The following LRCH1 variants were observed in gnomAD, a reference collection of about 807,000 sequenced individuals.
LRCH1 encodes the protein leucine-rich repeat and calponin homology domain-containing protein 1.
Under a neutral mutation model 94.9 loss-of-function variants are expected in LRCH1, and 23 were observed. That is an observed-to-expected ratio of 0.24 (90% CI 0.17 to 0.34). The LOEUF (loss-of-function observed/expected upper bound fraction) is 0.34, where lower values mean the gene tolerates loss of function less well. Ranked by LOEUF, LRCH1 falls within the 10% of genes least tolerant of loss-of-function variation. The pLI is 1.00. For missense variants in LRCH1, 790 were observed against 945.9 expected (o/e 0.84, Z 2.16); for synonymous variants, 364 against 354.9 (o/e 1.03, Z -0.29).
rs114429460 is a variant in LRCH1 at position 46,569,458 on chromosome 13, G to A, written c.307+15755G>A. Among the ~76,000 whole-genome samples the A allele has an allele frequency of 4.0e-3, 603 of 152,316 alleles. 3 individuals are homozygous for A. The highest frequency in any genetic ancestry group is 0.014 in the African/African-American group (577 of 41,570). On this transcript the variant is annotated intron_variant, in intron 1 of 19. Transcript: ENST00000389797. ...CCAGGGATCTAAGTACATTGTTAAT[G>A]TAGAGAACTGCCCTTTGCTGGGAGA...
chr13:46,733,111 C>T (rs1593383849), intron 18 of LRCH1, among the ~76,000 whole-genome samples: 1 of 152,174 alleles, frequency 6.6e-6, no homozygotes, highest in East Asian at 1.9e-4. Flanking sequence ...CACAGTTGCT[C>T]CTCCACCTAC....
chr13:46,688,437 G>A (rs1275333926), intron 6 of LRCH1, among the ~76,000 whole-genome samples: 7 of 152,158 alleles, frequency 4.6e-5, no homozygotes, highest in Admixed American at 3.9e-4. Context: ...TGCAGTATGT[G>A]TAGTTTTGTC....
intron 19 of LRCH1, among the ~76,000 whole-genome samples, chr13:46,738,742 GA>G (rs1330676913): frequency 1.3e-5 from 2 of 152,110 alleles, no homozygotes; most frequent in African/African-American, 4.8e-5. Context: ...TTCTAAGGGT[GA>G]AAGACAGGTT....
intron 18 of LRCH1, among the ~76,000 whole-genome samples, chr13:46,733,673 T>C (rs1170727874): frequency 6.6e-6 from 1 of 152,128 alleles, no homozygotes; most frequent in Non-Finnish European, 1.5e-5. Context: ...TAGGCATATA[T>C]GTATATCTAT....
At chr13:46,619,116 T>TCCTTCCTTC (rs2050849920) in intron 1 of LRCH1, among the ~76,000 whole-genome samples, 1 of 70,146 alleles carries the variant, frequency 1.4e-5, no homozygotes, top group African/African-American at 7.1e-5. Context: ...TCCTTCCTTT[T>TCCTTCCTTC]TTTTGGTTTT....
rs1873743187 is a variant in LRCH1 at position 46,742,993 on chromosome 13, G to C, written c.*1145G>C. The C allele has an allele frequency of 1.3e-5, 13 of 985,066 alleles. No homozygotes were observed. Among genetic ancestry groups the C allele is most frequent in the Non-Finnish European group, 1.6e-5 (13 of 829,866 alleles). The allele number at this position is 985,066 out of a possible 1,614,324, so 61.0% of individuals were successfully genotyped here. A position where few individuals can be genotyped will look rare whatever the true frequency, so the allele number is the denominator to read the frequency against. ...CAATGTGATCAGTTTGCATTTAAAAGGAAAAAAAAGAATTTTATCTTAGCC... is the reference window on the plus strand; with the variant it reads ...CAATGTGATCAGTTTGCATTTAAAACGAAAAAAAAGAATTTTATCTTAGCC... On this transcript the variant is annotated 3_prime_UTR_variant, in exon 20 of 20. Transcript: ENST00000389797.
chr13:46,654,368 T>A (rs527477461), intron 2 of LRCH1, among the ~76,000 whole-genome samples: 1 of 152,340 alleles, frequency 6.6e-6, no homozygotes, highest in African/African-American at 2.4e-5. Flanking sequence ...CTGGATATTA[T>A]TAAGTTAGCA....
At chr13:46,724,628 G>A (rs908843295) in intron 17 of LRCH1, among the ~76,000 whole-genome samples, 2 of 152,094 alleles carry the variant, frequency 1.3e-5, no homozygotes, top group Non-Finnish European at 2.9e-5. Context: ...CTTTTTGTCA[G>A]GTTAGGAAGA....
chr13:46,580,973 A>C (rs1370489209), intron 1 of LRCH1, among the ~76,000 whole-genome samples: 1 of 152,206 alleles, frequency 6.6e-6, no homozygotes, highest in Non-Finnish European at 1.5e-5. Flanking sequence ...TCATATTTTA[A>C]TAACATTTTG....
At chr13:46,627,091 C>T (rs9526207) in intron 1 of LRCH1, among the ~76,000 whole-genome samples, 126,294 of 152,186 alleles carry the variant, frequency 0.83, 52,853 homozygotes, top group African/African-American at 0.93. Flanking sequence ...TGCATTTTGG[C>T]TCTGTCATTT....
intron 1 of LRCH1, among the ~76,000 whole-genome samples, chr13:46,641,924 C>T (rs1372385336): frequency 3.3e-5 from 5 of 152,192 alleles, no homozygotes; most frequent in Admixed American, 3.3e-4. Context: ...TTTCTGGCTG[C>T]TCGGCTTTCA....
intron 1 of LRCH1, among the ~76,000 whole-genome samples, chr13:46,603,080 C>T (rs1429579553): frequency 2.0e-5 from 3 of 152,046 alleles, no homozygotes; most frequent in African/African-American, 7.2e-5. Context: ...TATCCTGTGA[C>T]TTCATCCTGT....
intron 9 of LRCH1, among the ~76,000 whole-genome samples, chr13:46,698,022 C>G (rs547875540): frequency 1.9e-4 from 29 of 152,294 alleles, no homozygotes; most frequent in African/African-American, 6.0e-4. Flanking sequence ...ATATTTTTAC[C>G]CATGAATTTT....
At chr13:46,671,158 T>C (rs73193021) in intron 3 of LRCH1, among the ~76,000 whole-genome samples, 4 of 152,344 alleles carry the variant, frequency 2.6e-5, no homozygotes, top group Non-Finnish European at 5.9e-5. Context: ...CATCACTCTT[T>C]CGTCATGGGC....
chr13:46,697,115 A>T (rs1871237010), intron 9 of LRCH1, among the ~76,000 whole-genome samples: 3 of 152,212 alleles, frequency 2.0e-5, no homozygotes, highest in Admixed American at 2.0e-4. Flanking sequence ...TCTTTACTGA[A>T]TAAGCATCTT....
intron 3 of LRCH1, among the ~76,000 whole-genome samples, chr13:46,669,842 G>C (rs929426050): frequency 4.6e-5 from 7 of 152,236 alleles, no homozygotes; most frequent in Admixed American, 1.3e-4. Context: ...CAGGCTGAAA[G>C]GTGATAGTCT....
At chr13:46,695,713 C>T (rs1285509140) in intron 9 of LRCH1, among the ~76,000 whole-genome samples, 2 of 152,138 alleles carry the variant, frequency 1.3e-5, no homozygotes, top group Non-Finnish European at 2.9e-5. Context: ...ACTGTGGCTT[C>T]GAGGTAACTT....
chr13:46,628,700 G>C (rs909957780), intron 1 of LRCH1, among the ~76,000 whole-genome samples: 1 of 151,316 alleles, frequency 6.6e-6, no homozygotes, highest in Non-Finnish European at 1.5e-5. Context: ...GGCAGGCTGA[G>C]ACCATGACAG....
chr13:46,679,427 G>A (rs1339824063), intron 3 of LRCH1, among the ~76,000 whole-genome samples: 1 of 152,208 alleles, frequency 6.6e-6, no homozygotes, highest in African/African-American at 2.4e-5. Context: ...GCATTTCACT[G>A]TTCTCTTCTC....
Sources: gnomAD v4.1 joint callset for allele counts (sites outside exome capture counted in the v4.1 genomes callset) on GRCh38, gnomAD v4.1.1 for gene constraint, MANE v1.5 for transcripts, NCBI Gene and HGNC (gene_info 2026-07-23, HGNC 2026-07-21) for gene names.